Variants in PHF8 observed in about 807,000 individuals in gnomAD.
PHF8 encodes PHD finger protein 8.
In PHF8, 9 loss-of-function variants were observed where a neutral mutation model predicts 74.4. The observed-to-expected ratio is 0.12, with a 90% CI of 0.07 to 0.21. The LOEUF (loss-of-function observed/expected upper bound fraction) is 0.21. Among genes scored for constraint, PHF8 ranks in the 10% least tolerant of loss-of-function variants. The pLI, the probability that PHF8 is intolerant of heterozygous loss-of-function variation, is 1.00. For synonymous variants in PHF8, 311 were observed against 316.6 expected (o/e 0.98, Z 0.19); for missense variants, 478 against 816.6 (o/e 0.59, Z 5.05).
At chrX:53,992,875 G>T in intron 13 of PHF8, 36 bp from the exon 14 acceptor site, 2 of 914,214 alleles carry the variant, frequency 2.2e-6, no homozygotes, top group Non-Finnish European at 3.2e-6. Flanking sequence ...TACCTGTCTG[G>T]GACTCCCATG....
intron 2 of PHF8, among the ~76,000 whole-genome samples, chrX:54,034,840 A>G (rs1167522047): frequency 3.8e-5 from 4 of 105,814 alleles, no homozygotes; most frequent in Non-Finnish European, 7.8e-5. Context: ...AAAAAAAAAA[A>G]AAAAAAAAAT....
intron 18 of PHF8, among the ~76,000 whole-genome samples, chrX:53,963,593 T>C (rs1853496849): frequency 9.0e-6 from 1 of 111,534 alleles, no homozygotes; most frequent in Non-Finnish European, 1.9e-5. Flanking sequence ...CAGACACTTC[T>C]CAAAAGAAGA....
intron 6 of PHF8, among the ~76,000 whole-genome samples, chrX:54,015,818 G>C (rs991731187): frequency 1.8e-5 from 2 of 111,049 alleles, no homozygotes; most frequent in African/African-American, 3.3e-5. Context: ...CTGACCCAAA[G>C]AGAAGACTAT....
intron 19 of PHF8, among the ~76,000 whole-genome samples, chrX:53,955,339 A>G (rs1361609450): frequency 2.7e-5 from 3 of 110,338 alleles, no homozygotes; most frequent in African/African-American, 9.9e-5. Flanking sequence ...TTACCTTTCC[A>G]AAGTGCTAGG....
intron 10 of PHF8, among the ~76,000 whole-genome samples, chrX:54,001,809 G>A (rs1557104284): frequency 1.8e-5 from 2 of 109,158 alleles, no homozygotes; most frequent in African/African-American, 6.7e-5. Context: ...TTAGCTACTC[G>A]GCAAACTGAG....
chrX:54,039,133 C>CA (rs61507959), intron 2 of PHF8, among the ~76,000 whole-genome samples: 749 of 42,213 alleles, frequency 0.018, 10 homozygotes, highest in East Asian at 0.076. Flanking sequence ...GACTCTGTCT[C>CA]AAAAAAAAAA....
intron 2 of PHF8, among the ~76,000 whole-genome samples, chrX:54,025,193 T>C (rs1394701269): frequency 8.9e-6 from 1 of 111,775 alleles, no homozygotes; most frequent in African/African-American, 3.3e-5. Context: ...ACCATTTTTT[T>C]CTAGTAATTC....
intron 19 of PHF8, among the ~76,000 whole-genome samples, chrX:53,956,208 C>T (rs1462156488): frequency 1.3e-4 from 15 of 111,568 alleles, no homozygotes; most frequent in Admixed American, 9.6e-4. Context: ...AGAGATCATG[C>T]TACTACACTC....
intron 2 of PHF8, among the ~76,000 whole-genome samples, chrX:54,027,572 T>G: frequency 9.0e-6 from 1 of 111,611 alleles, no homozygotes; most frequent in Middle Eastern, 4.6e-3. Context: ...CTCACTGGTT[T>G]CCTGACCTCC....
chrX:53,944,530 G>A (rs1164685865), intron 19 of PHF8: 2 of 289,076 alleles, frequency 6.9e-6, no homozygotes, highest in Non-Finnish European at 1.2e-5. Flanking sequence ...TGCTCTGGGA[G>A]GGTGAGGTGG....
At chrX:53,956,182 G>A (rs1280677762) in intron 19 of PHF8, among the ~76,000 whole-genome samples, 1 of 111,411 alleles carries the variant, frequency 9.0e-6, no homozygotes, top group Non-Finnish European at 1.9e-5. Context: ...CCTGGGAGGC[G>A]GAGGTTGTAG....
At chrX:54,026,227 G>A (rs782614181) in intron 2 of PHF8, among the ~76,000 whole-genome samples, 24 of 109,321 alleles carry the variant, frequency 2.2e-4, no homozygotes, top group Admixed American at 8.9e-4. Context: ...GGTGGTGGGC[G>A]CCTATAATTC....
chrX:53,974,653 C>T (rs1355461356), intron 18 of PHF8, among the ~76,000 whole-genome samples: 1 of 111,976 alleles, frequency 8.9e-6, no homozygotes, highest in African/African-American at 3.2e-5. Context: ...GACATGGAAT[C>T]AACCAAAATG....
intron 14 of PHF8, among the ~76,000 whole-genome samples, chrX:53,988,813 T>C (rs1225214367): frequency 3.7e-5 from 4 of 109,207 alleles, no homozygotes; most frequent in Admixed American, 9.9e-5. Context: ...AGTAGACCTA[T>C]GTGTTCTCAC....
At chrX:53,976,862 G>A (rs1158909618) in intron 18 of PHF8, among the ~76,000 whole-genome samples, 2 of 111,623 alleles carry the variant, frequency 1.8e-5, no homozygotes, top group African/African-American at 3.3e-5. Flanking sequence ...CATAAATTCT[G>A]TAAGTTATAT....
chrX:53,950,508 T>G (rs1222426570), intron 19 of PHF8, among the ~76,000 whole-genome samples: 1 of 112,484 alleles, frequency 8.9e-6, no homozygotes, highest in Non-Finnish European at 1.9e-5. Context: ...TGCACCTCTG[T>G]CTGACTTTGA....
At position 53,984,549 on chromosome X, in the gene PHF8, C is replaced by T. The variant is rs1557098901; in HGVS notation, c.2443+365G>A. Among the ~76,000 whole-genome samples the T allele has an allele frequency of 2.7e-5, 3 of 111,205 alleles. No homozygotes were observed. The Admixed American group carries it at 2.9e-4, about 11-fold the overall frequency. ...TCTCTGCAAGGGACAAACTGGCCAA[C>T]GCAGGACACAAATGACACAGATGAT... On this transcript the variant is annotated intron_variant, in intron 18 of 21. Transcript: ENST00000338154.
At chrX:53,964,595 G>C (rs1293413007) in intron 18 of PHF8, among the ~76,000 whole-genome samples, 1 of 111,775 alleles carries the variant, frequency 8.9e-6, no homozygotes, top group African/African-American at 3.3e-5. Flanking sequence ...GTCGGGCGCA[G>C]TGGCTCATGC....
At chrX:53,954,161 G>A (rs2149786603) in intron 19 of PHF8, among the ~76,000 whole-genome samples, 1 of 111,388 alleles carries the variant, frequency 9.0e-6, no homozygotes, top group African/African-American at 3.3e-5. Context: ...AATAGCTGGA[G>A]ACTTCAATAC....
Sources: gnomAD v4.1 joint callset for allele counts (sites outside exome capture counted in the v4.1 genomes callset) on GRCh38, gnomAD v4.1.1 for gene constraint, MANE v1.5 for transcripts, NCBI Gene and HGNC (gene_info 2026-07-23, HGNC 2026-07-21) for gene names.